The following SRGAP1 variants were observed in gnomAD, a reference collection of about 807,000 sequenced individuals.
The protein encoded by SRGAP1 is SLIT-ROBO Rho GTPase activating protein 1.
Under a neutral mutation model 121.9 loss-of-function variants are expected in SRGAP1, and 43 were observed. The observed-to-expected ratio is 0.35, with a 90% CI of 0.28 to 0.46. The LOEUF (loss-of-function observed/expected upper bound fraction) is 0.46. Ranked by LOEUF, SRGAP1 falls within the 20% of genes least tolerant of loss-of-function variation. SRGAP1 has a pLI of 1.00. For missense variants in SRGAP1, 1,102 were observed against 1,350.9 expected (o/e 0.82, Z 2.89); for synonymous variants, 447 against 485.4 (o/e 0.92, Z 1.04).
intron 3 of SRGAP1, among the ~76,000 whole-genome samples, chr12:64,007,948 T>A (rs2034136020): frequency 6.6e-6 from 1 of 152,164 alleles, no homozygotes. Context: ...ATGAATAGAC[T>A]GTTGCATTCA....
At chr12:63,969,657 G>A (rs1245194725) in intron 1 of SRGAP1, among the ~76,000 whole-genome samples, 2 of 152,046 alleles carry the variant, frequency 1.3e-5, no homozygotes, top group Non-Finnish European at 2.9e-5. Context: ...AGCCGGGCGT[G>A]GTGGTGGGCA....
intron 1 of SRGAP1, among the ~76,000 whole-genome samples, chr12:63,979,157 A>G (rs1056986982): frequency 6.9e-6 from 1 of 144,504 alleles, no homozygotes; most frequent in African/African-American, 2.6e-5. Context: ...CTCCTCCCTC[A>G]GCCTCCCGAG....
intron 6 of SRGAP1, among the ~76,000 whole-genome samples, chr12:64,062,265 C>T (rs1183560025): frequency 6.6e-6 from 1 of 152,166 alleles, no homozygotes; most frequent in Non-Finnish European, 1.5e-5. Flanking sequence ...ACTTGCATTT[C>T]TCCGATTATC....
intron 1 of SRGAP1, among the ~76,000 whole-genome samples, chr12:63,845,527 C>A (rs1196430742): frequency 6.6e-6 from 1 of 152,158 alleles, no homozygotes; most frequent in African/African-American, 2.4e-5. Flanking sequence ...ATTGCTTTAT[C>A]ATTTTCTGGA....
intron 4 of SRGAP1, among the ~76,000 whole-genome samples, chr12:64,026,454 G>C (rs1457225037): frequency 6.6e-6 from 1 of 152,070 alleles, no homozygotes; most frequent in African/African-American, 2.4e-5. Context: ...GTTGTTATCA[G>C]ATGATCCAAT....
intron 1 of SRGAP1, among the ~76,000 whole-genome samples, chr12:63,970,317 A>T (rs1314977261): frequency 6.6e-6 from 1 of 152,216 alleles, no homozygotes; most frequent in Non-Finnish European, 1.5e-5. Flanking sequence ...AGAGCTATTT[A>T]TGCATCTGAT....
At chr12:64,029,510 G>A (rs2034727147) in intron 4 of SRGAP1, among the ~76,000 whole-genome samples, 1 of 152,076 alleles carries the variant, frequency 6.6e-6, no homozygotes, top group Non-Finnish European at 1.5e-5. Context: ...ATGGCTCTGG[G>A]CAAGCATGGA....
chr12:63,956,173 T>A (rs1236589970), intron 1 of SRGAP1, among the ~76,000 whole-genome samples: 1 of 152,136 alleles, frequency 6.6e-6, no homozygotes, highest in Non-Finnish European at 1.5e-5. Context: ...CCTGACTAAT[T>A]TTGTACTTTT....
intron 1 of SRGAP1, among the ~76,000 whole-genome samples, chr12:63,941,528 T>C (rs1300165756): frequency 6.6e-6 from 1 of 152,222 alleles, no homozygotes; most frequent in African/African-American, 2.4e-5. Flanking sequence ...TCTAAAATTG[T>C]AACTGGGATT....
At chr12:63,924,127 C>T (rs770473176) in intron 1 of SRGAP1, among the ~76,000 whole-genome samples, 8 of 151,828 alleles carry the variant, frequency 5.3e-5, no homozygotes, top group Non-Finnish European at 1.0e-4. Context: ...CACTGCATTC[C>T]AGGCTGGGTG....
At chr12:64,134,557 G>A (rs151114419) in intron 21 of SRGAP1, among the ~76,000 whole-genome samples, 1 of 152,060 alleles carries the variant, frequency 6.6e-6, no homozygotes, top group Non-Finnish European at 1.5e-5. Flanking sequence ...TAAGCCTTTG[G>A]ATCCCTTCCT....
chr12:63,954,904 T>C (rs954819885), intron 1 of SRGAP1, among the ~76,000 whole-genome samples: 3 of 152,144 alleles, frequency 2.0e-5, no homozygotes, highest in African/African-American at 7.2e-5. Context: ...TGAGGAGATG[T>C]ATGCAAAGTG....
At chr12:64,010,078 G>A (rs1049896460) in intron 3 of SRGAP1, among the ~76,000 whole-genome samples, 19 of 152,118 alleles carry the variant, frequency 1.2e-4, no homozygotes, top group African/African-American at 4.3e-4. Context: ...TGGAAGTATG[G>A]CCTGATCCCT....
At chr12:64,080,220 G>T in intron 9 of SRGAP1, 66 bp from the exon 10 acceptor site, 1 of 1,384,822 alleles carries the variant, frequency 7.2e-7, no homozygotes, top group Admixed American at 2.2e-5. Flanking sequence ...TCCAGCCTGG[G>T]TGACAAGAAT....
intron 4 of SRGAP1, among the ~76,000 whole-genome samples, chr12:64,037,521 A>T (rs1430955348): frequency 6.6e-6 from 1 of 152,218 alleles, no homozygotes; most frequent in African/African-American, 2.4e-5. Flanking sequence ...ACCAACACCT[A>T]TAGAATACAT....
chr12:63,988,531 CT>C (rs909434767), intron 2 of SRGAP1, among the ~76,000 whole-genome samples: 83 of 152,316 alleles, frequency 5.4e-4, no homozygotes, highest in African/African-American at 1.9e-3. Context: ...CCTTCTTTCC[CT>C]ATGCCCATTC....
Position 63,920,140 on chromosome 12 carries a change from C to T in SRGAP1, c.68-63807C>T, listed in dbSNP as rs114460347. On this transcript the variant is annotated intron_variant, in intron 1 of 21. Coordinates refer to ENST00000355086, the MANE Select transcript of SRGAP1 (RefSeq NM_020762.4). ...ACTCATAAGTGATTAAGAGCTCCAG[C>T]AGACCCACTTTTTATCAGCACGTGG... Among the ~76,000 whole-genome samples the T allele has an allele frequency of 4.1e-3, 618 of 152,302 alleles. 3 individuals are homozygous for T. The highest frequency in any genetic ancestry group is 0.014 in the African/African-American group (595 of 41,572).
intron 1 of SRGAP1, among the ~76,000 whole-genome samples, chr12:63,912,816 A>G (rs1322753969): frequency 6.6e-6 from 1 of 152,188 alleles, no homozygotes; most frequent in African/African-American, 2.4e-5. Context: ...GCCCTGCAAC[A>G]CTAGGACGAG....
intron 1 of SRGAP1, among the ~76,000 whole-genome samples, chr12:63,853,827 C>T (rs898699032): frequency 6.6e-6 from 1 of 152,238 alleles, no homozygotes; most frequent in Non-Finnish European, 1.5e-5. Context: ...ACTCCACCCT[C>T]CTTGAGTACA....
Sources: gnomAD v4.1 joint callset for allele counts (sites outside exome capture counted in the v4.1 genomes callset) on GRCh38, gnomAD v4.1.1 for gene constraint, MANE v1.5 for transcripts, NCBI Gene and HGNC (gene_info 2026-07-23, HGNC 2026-07-21) for gene names.